Variants in RBFOX1 observed in about 807,000 individuals in gnomAD.
RBFOX1 encodes the protein RNA binding protein fox-1 homolog 1.
RBFOX1 carries 8 observed loss-of-function variants against 57.7 expected under a neutral mutation model. The observed-to-expected ratio is 0.14, with a 90% CI of 0.08 to 0.25. RBFOX1 has a LOEUF of 0.25. Among genes scored for constraint, RBFOX1 ranks in the 10% least tolerant of loss-of-function variants. The probability of loss-of-function intolerance (pLI) is 1.00; values close to 1 mark genes in which losing one functional copy is unlikely to be tolerated. For missense variants in RBFOX1, 611 were observed against 548.5 expected (o/e 1.11, Z -1.14); for synonymous variants, 326 against 222.4 (o/e 1.47, Z -4.15).
intron 1 of RBFOX1, among the ~76,000 whole-genome samples, chr16:6,262,179 A>T (rs1223792345): frequency 6.6e-6 from 1 of 152,094 alleles, no homozygotes; most frequent in Non-Finnish European, 1.5e-5. Context: ...CTGCCTTCCC[A>T]TCCAAGACAG....
intron 4 of RBFOX1, among the ~76,000 whole-genome samples, chr16:7,133,843 A>G (rs2071183343): frequency 6.6e-6 from 1 of 152,220 alleles, no homozygotes; most frequent in Non-Finnish European, 1.5e-5. Context: ...CCAAAACGTA[A>G]TGCCCATTTT....
At chr16:6,908,290 C>T (rs1165497881) in intron 3 of RBFOX1, among the ~76,000 whole-genome samples, 1 of 151,728 alleles carries the variant, frequency 6.6e-6, no homozygotes, top group Non-Finnish European at 1.5e-5. Flanking sequence ...CTGGGCAGGC[C>T]TGCACCCCCA....
chr16:6,835,847 T>G (rs1434748336), intron 3 of RBFOX1, among the ~76,000 whole-genome samples: 2 of 149,352 alleles, frequency 1.3e-5, no homozygotes, highest in Non-Finnish European at 1.5e-5. Flanking sequence ...CATAATGTGA[T>G]ACAGGGACCC....
At chr16:6,165,166 T>C (rs926655711) in intron 1 of RBFOX1, among the ~76,000 whole-genome samples, 10 of 152,164 alleles carry the variant, frequency 6.6e-5, no homozygotes, top group Non-Finnish European at 1.5e-5. Flanking sequence ...GGAGTAATAG[T>C]ATTAATACCC....
chr16:6,708,974 G>A (rs2063271207), intron 3 of RBFOX1, among the ~76,000 whole-genome samples: 1 of 137,536 alleles, frequency 7.3e-6, no homozygotes, highest in African/African-American at 2.6e-5. Flanking sequence ...ATTTCAGCAA[G>A]CTTTTCTTTT....
intron 3 of RBFOX1, among the ~76,000 whole-genome samples, chr16:6,857,998 C>T (rs1027036151): frequency 3.3e-5 from 5 of 152,142 alleles, no homozygotes; most frequent in African/African-American, 7.2e-5. Context: ...AGATTCTAAA[C>T]CAGCATATGG....
At chr16:5,950,846 G>C (rs2059505412) in intron 4 of RBFOX1, among the ~76,000 whole-genome samples, 1 of 152,090 alleles carries the variant, frequency 6.6e-6, no homozygotes, top group Non-Finnish European at 1.5e-5. Context: ...TTCTGCAGTG[G>C]TCCAAGTGCC....
At chr16:5,243,522 A>G (rs1452757858) in intron 1 of RBFOX1, among the ~76,000 whole-genome samples, 2 of 152,046 alleles carry the variant, frequency 1.3e-5, no homozygotes, top group Non-Finnish European at 2.9e-5. Context: ...CGTCCCGTGT[A>G]TTGTAGGATG....
chr16:6,362,292 C>T (rs942098607), intron 2 of RBFOX1, among the ~76,000 whole-genome samples: 1 of 152,092 alleles, frequency 6.6e-6, no homozygotes, highest in Non-Finnish European at 1.5e-5. Flanking sequence ...GTACTCTTCA[C>T]CTTCATTTGC....
At chr16:6,497,488 A>G (rs1016909889) in intron 2 of RBFOX1, among the ~76,000 whole-genome samples, 2 of 152,096 alleles carry the variant, frequency 1.3e-5, no homozygotes, top group African/African-American at 2.4e-5. Context: ...CAGCTCTTCA[A>G]AATGCCGCAA....
intron 4 of RBFOX1, among the ~76,000 whole-genome samples, chr16:5,913,724 A>G (rs1327662984): frequency 6.6e-6 from 1 of 152,236 alleles, no homozygotes; most frequent in Non-Finnish European, 1.5e-5. Context: ...GCTCAAGAAG[A>G]ATGATATTCC....
At chr16:5,239,994 G>A in exon 1 of RBFOX1, 1 of 1,530,922 alleles carries the variant, frequency 6.5e-7, no homozygotes, top group South Asian at 1.2e-5. Flanking sequence ...AGAGGCTGCG[G>A]CTGGGGCTGG....
At position 7,290,366 on chromosome 16, in the gene RBFOX1, T is replaced by C. The variant is rs1008951716; in HGVS notation, c.28-227781T>C. ...ATTGAGAAGATGCTGGTTCACACACTGATACTGAGATGCAGAAGGTAATTT... is the reference window on the plus strand; with the variant it reads ...ATTGAGAAGATGCTGGTTCACACACCGATACTGAGATGCAGAAGGTAATTT... On this transcript the variant is annotated intron_variant, in intron 4 of 15. Transcript: ENST00000550418. Among the ~76,000 whole-genome samples the C allele has an allele frequency of 2.6e-5, 4 of 152,212 alleles. No individual in the cohort carries two copies. In the South Asian group the frequency reaches 8.3e-4, roughly 31 times the overall value.
intron 4 of RBFOX1, among the ~76,000 whole-genome samples, chr16:5,958,823 T>G (rs11644531): frequency 0.21 from 32,579 of 152,136 alleles, 4,024 homozygotes; most frequent in Middle Eastern, 0.46. Flanking sequence ...TCTCTGATAC[T>G]ATTGTCTCTG....
intron 2 of RBFOX1, among the ~76,000 whole-genome samples, chr16:6,455,868 G>A (rs767960012): frequency 1.1e-4 from 17 of 152,094 alleles, no homozygotes; most frequent in Non-Finnish European, 1.8e-4. Context: ...AAGAAATTAC[G>A]TGGTGAGCCT....
At chr16:6,035,122 C>T (rs1190550813) in intron 1 of RBFOX1, among the ~76,000 whole-genome samples, 1 of 152,150 alleles carries the variant, frequency 6.6e-6, no homozygotes, top group East Asian at 1.9e-4. Context: ...AGTAGCACCC[C>T]CTTCACCCAT....
intron 5 of RBFOX1, among the ~76,000 whole-genome samples, chr16:7,574,840 C>G (rs2093168211): frequency 6.6e-6 from 1 of 152,174 alleles, no homozygotes; most frequent in African/African-American, 2.4e-5. Context: ...CAGGAACATT[C>G]ATTCCTCCTT....
chr16:5,940,295 A>G (rs2059253167), intron 4 of RBFOX1, among the ~76,000 whole-genome samples: 1 of 152,174 alleles, frequency 6.6e-6, no homozygotes. Flanking sequence ...CAGTATTTGA[A>G]CTAGATGGTC....
intron 4 of RBFOX1, among the ~76,000 whole-genome samples, chr16:5,870,560 C>T (rs932426271): frequency 6.6e-6 from 1 of 151,410 alleles, no homozygotes; most frequent in Admixed American, 6.6e-5. Flanking sequence ...AATAGTCTTC[C>T]TTCCTTCATT....
Sources: gnomAD v4.1 joint callset for allele counts (sites outside exome capture counted in the v4.1 genomes callset) on GRCh38, gnomAD v4.1.1 for gene constraint, MANE v1.5 for transcripts, NCBI Gene and HGNC (gene_info 2026-07-23, HGNC 2026-07-21) for gene names.